AHI1: variants seen among roughly 807,000 people sequenced by gnomAD.
AHI1 encodes the protein jouberin.
AHI1 carries 123 observed loss-of-function variants against 149.3 expected under a neutral mutation model. The ratio of observed to expected loss-of-function variants is 0.82; its 90% CI spans 0.71 to 0.96. The LOEUF is 0.96. Among genes scored for constraint, AHI1 ranks in the 40% least tolerant of loss-of-function variants. The pLI is 0.00. For synonymous variants in AHI1, 475 were observed against 459.8 expected, an observed-to-expected ratio of 1.03 and a Z score of -0.42; for missense variants, 1,439 against 1,422.7, an observed-to-expected ratio of 1.01 and a Z score of -0.18.
chr6:135,455,069 G>C (rs1287164845), intron 10 of AHI1, among the ~76,000 whole-genome samples: 1 of 152,174 alleles, frequency 6.6e-6, no homozygotes, highest in Non-Finnish European at 1.5e-5. Context: ...ACACATGATA[G>C]AGTAAAGAAA....
chr6:135,358,928 C>T (rs1793419392), intron 23 of AHI1, among the ~76,000 whole-genome samples: 1 of 152,190 alleles, frequency 6.6e-6, no homozygotes, highest in Non-Finnish European at 1.5e-5. Context: ...TTCCTAATTT[C>T]TGGCCACCAG....
At chr6:135,354,837 G>A (rs1407493918) in intron 24 of AHI1, among the ~76,000 whole-genome samples, 2 of 152,040 alleles carry the variant, frequency 1.3e-5, no homozygotes, top group African/African-American at 4.8e-5. Flanking sequence ...AAAAATTAGT[G>A]AAAAGAAAGC....
chr6:135,287,566 G>A (rs1781839057), intron 28 of AHI1, among the ~76,000 whole-genome samples: 1 of 152,180 alleles, frequency 6.6e-6, no homozygotes, highest in East Asian at 1.9e-4. Flanking sequence ...CTGAAAGAGG[G>A]AGGAGAAGAC....
chr6:135,389,307 T>TAAA (rs773530746), intron 23 of AHI1, among the ~76,000 whole-genome samples: 2 of 96,910 alleles, frequency 2.1e-5, no homozygotes, highest in Non-Finnish European at 2.1e-5. Flanking sequence ...AGACTCTGTC[T>TAAA]AAAAAAAAAA....
chr6:135,388,840 C>T (rs1204665217), intron 23 of AHI1, among the ~76,000 whole-genome samples: 2 of 150,232 alleles, frequency 1.3e-5, no homozygotes, highest in African/African-American at 4.9e-5. Flanking sequence ...GGTGAAACCC[C>T]GTCTCTACTA....
At chr6:135,377,606 G>C (rs1055188916) in intron 23 of AHI1, among the ~76,000 whole-genome samples, 3 of 151,752 alleles carry the variant, frequency 2.0e-5, no homozygotes, top group African/African-American at 7.3e-5. Context: ...TCAGCCACCC[G>C]AGTAGTGGGA....
chr6:135,362,331 G>A (rs1339461929), intron 23 of AHI1, among the ~76,000 whole-genome samples: 1 of 152,080 alleles, frequency 6.6e-6, no homozygotes, highest in Non-Finnish European at 1.5e-5. Context: ...TGGAGCAAAA[G>A]CGCTACTTTT....
chr6:135,492,291 C>A lies in AHI1; in HGVS notation c.-54G>T, dbSNP rs1162660693. 2 of 1,508,344 alleles carry A rather than the reference C, an allele frequency of 1.3e-6. No homozygotes were observed. Among genetic ancestry groups the A allele is most frequent in the African/African-American group, 1.4e-5 (1 of 71,758 alleles). 93.4% of individuals were successfully genotyped at this position (1,508,344 alleles called of 1,614,324 possible). A position where few individuals can be genotyped will look rare whatever the true frequency, so the allele number is the denominator to read the frequency against. On this transcript the variant is annotated splice_region_variant and 5_prime_UTR_variant, in exon 4 of 29. Coordinates refer to ENST00000265602, the MANE Select transcript of AHI1 (RefSeq NM_001134831.2). ...TGCAAAGCATTGACTCAATCAGGATCCTATCGAAACAAAGGAGATGTATTT... is the reference window on the plus strand; with the variant it reads ...TGCAAAGCATTGACTCAATCAGGATACTATCGAAACAAAGGAGATGTATTT...
chr6:135,323,855 C>A (rs760733611), intron 24 of AHI1, among the ~76,000 whole-genome samples: 3 of 152,164 alleles, frequency 2.0e-5, no homozygotes, highest in Non-Finnish European at 2.9e-5. Flanking sequence ...ACAACTTAAG[C>A]CTTCTATCTT....
At chr6:135,358,439 T>A (rs1793332784) in intron 23 of AHI1, among the ~76,000 whole-genome samples, 1 of 152,178 alleles carries the variant, frequency 6.6e-6, no homozygotes, top group Non-Finnish European at 1.5e-5. Context: ...TAGCGCAAGA[T>A]GTGTCCACAT....
rs117318465 is a variant in AHI1, at chr6:135,378,607, T to G, written c.3109+16169A>C. 1.0e-3 allele frequency among the ~76,000 whole-genome samples: 159 copies of G among 152,330 alleles called. No homozygotes were observed. In the Middle Eastern group the frequency reaches 0.014, roughly 13 times the overall value. On this transcript the variant is annotated intron_variant, in intron 23 of 28. Transcript: ENST00000265602. ...ACTTCAATTCTGTGTGTTCAATCCT[T>G]AAAATATAATTTAATATCTGTCTTT...
At chr6:135,401,802 CA>C (rs1193323406) in intron 22 of AHI1, among the ~76,000 whole-genome samples, 1 of 151,952 alleles carries the variant, frequency 6.6e-6, no homozygotes, top group Non-Finnish European at 1.5e-5. Context: ...TATTACAACA[CA>C]AAAAGCACAA....
At chr6:135,457,756 C>A in intron 8 of AHI1, 43 bp from the exon 9 acceptor site, 1 of 1,535,462 alleles carries the variant, frequency 6.5e-7, no homozygotes, top group South Asian at 1.1e-5. Context: ...ATTAGTTGTT[C>A]CCATAGTAGT....
At chr6:135,475,658 C>T (rs1453362123) in intron 5 of AHI1, among the ~76,000 whole-genome samples, 4 of 152,202 alleles carry the variant, frequency 2.6e-5, no homozygotes, top group Non-Finnish European at 2.9e-5. Context: ...GGTGGCAACA[C>T]TTTGCACATT....
chr6:135,483,827 T>TAAAA (rs1794085974), intron 5 of AHI1, among the ~76,000 whole-genome samples: 1 of 152,220 alleles, frequency 6.6e-6, no homozygotes, highest in Non-Finnish European at 1.5e-5. Context: ...CATACACTTG[T>TAAAA]CTGGTAAAAC....
intron 22 of AHI1, among the ~76,000 whole-genome samples, chr6:135,397,583 G>T (rs901500585): frequency 1.3e-5 from 2 of 152,012 alleles, no homozygotes; most frequent in African/African-American, 4.8e-5. Flanking sequence ...CTCTTTTAGG[G>T]TATAAGCAGA....
intron 20 of AHI1, among the ~76,000 whole-genome samples, chr6:135,423,341 T>C (rs907543159): frequency 2.2e-4 from 33 of 152,180 alleles, no homozygotes; most frequent in Admixed American, 2.2e-3. Context: ...TATTCATTTA[T>C]TGCATATTAG....
chr6:135,410,375 TAAAAC>T (rs761563185), intron 21 of AHI1, among the ~76,000 whole-genome samples: 2 of 152,052 alleles, frequency 1.3e-5, no homozygotes, highest in African/African-American at 4.8e-5. Flanking sequence ...GTCTCTAAAT[TAAAAC>T]AAAACAAAAC....
intron 2 of AHI1, among the ~76,000 whole-genome samples, chr6:135,496,203 G>A (rs144914733): frequency 3.3e-5 from 5 of 151,804 alleles, no homozygotes; most frequent in South Asian, 2.1e-4. Context: ...TGCTGCCTCC[G>A]CCTCCTGGGT....
Sources: allele counts gnomAD v4.1 joint callset (sites outside exome capture counted in the v4.1 genomes callset), GRCh38; gene constraint gnomAD v4.1.1; transcripts MANE v1.5; gene names NCBI Gene and HGNC (gene_info 2026-07-23, HGNC 2026-07-21).